CNTN3: variants seen among roughly 807,000 people sequenced by gnomAD.
CNTN3 encodes the protein contactin-3.
CNTN3 carries 60 observed loss-of-function variants against 119.1 expected under a neutral mutation model. The observed-to-expected ratio is 0.50, with a 90% CI of 0.41 to 0.62. The LOEUF (loss-of-function observed/expected upper bound fraction) is 0.62, where lower values mean the gene tolerates loss of function less well. Ranked by LOEUF, CNTN3 falls within the 20% of genes least tolerant of loss-of-function variation. The pLI, the probability that CNTN3 is intolerant of heterozygous loss-of-function variation, is 0.00. For synonymous variants in CNTN3, 450 were observed against 438.7 expected (o/e 1.03, Z -0.32); for missense variants, 1,101 against 1,242.4 (o/e 0.89, Z 1.71).
chr3:74,395,996 T>C (rs376067932), intron 5 of CNTN3, among the ~76,000 whole-genome samples: 2 of 152,212 alleles, frequency 1.3e-5, no homozygotes, highest in East Asian at 3.9e-4. Context: ...TCATGTAAGA[T>C]GGCAAACTTG....
Position 74,364,579 on chromosome 3 carries a change from TTCTA to T in CNTN3, c.1097_1100del (p.Ile366LysfsTer10), listed in dbSNP as rs1704146930. ...GGTTTGATATTGTAAGGGCACCATT[TTCTA>T]TCTGTGTTCTCTCCTAGATGATAAT... On this transcript the variant is annotated frameshift_variant, in exon 10 of 23. Transcript: ENST00000263665. LOFTEE classifies it high-confidence loss of function. The T allele has an allele frequency of 6.2e-7, 1 of 1,607,798 alleles. No individual in the cohort carries two copies. Among genetic ancestry groups the T allele is most frequent in the Non-Finnish European group, 8.5e-7 (1 of 1,174,830 alleles).
chr3:74,505,962 T>C (rs149674108), intron 2 of CNTN3, among the ~76,000 whole-genome samples: 9 of 152,208 alleles, frequency 5.9e-5, no homozygotes, highest in East Asian at 5.8e-4. Context: ...AATTAGGGAA[T>C]TGGAACTGAG....
intron 22 of CNTN3, among the ~76,000 whole-genome samples, chr3:74,265,942 T>C (rs1019145133): frequency 6.6e-6 from 1 of 152,144 alleles, no homozygotes; most frequent in African/African-American, 2.4e-5. Flanking sequence ...TCTAAACATA[T>C]AATTTCTATA....
intron 5 of CNTN3, among the ~76,000 whole-genome samples, chr3:74,395,205 G>GA (rs1322824196): frequency 6.6e-6 from 1 of 152,034 alleles, no homozygotes; most frequent in African/African-American, 2.4e-5. Flanking sequence ...CAGAGTACAG[G>GA]ATGATACAAG....
chr3:74,598,510 A>G (rs1334911614), intron 1 of CNTN3, among the ~76,000 whole-genome samples: 1 of 152,092 alleles, frequency 6.6e-6, no homozygotes, highest in Non-Finnish European at 1.5e-5. Context: ...GCCCAGGCTG[A>G]GTGCAGTGGC....
At chr3:74,562,041 A>T (rs1237044043) in intron 1 of CNTN3, among the ~76,000 whole-genome samples, 1 of 152,184 alleles carries the variant, frequency 6.6e-6, no homozygotes, top group Non-Finnish European at 1.5e-5. Flanking sequence ...CTGTTCTCCC[A>T]AGCCTGACTC....
intron 20 of CNTN3, among the ~76,000 whole-genome samples, chr3:74,276,613 C>G (rs1363473423): frequency 6.6e-6 from 1 of 150,926 alleles, no homozygotes; most frequent in Non-Finnish European, 1.5e-5. Context: ...CTATCAAAAC[C>G]TCTGGGATAC....
chr3:74,263,313 T>C lies in CNTN3; in HGVS notation c.*1088A>G, dbSNP rs941257943. 3.9e-5 allele frequency: 6 copies of C among 152,076 alleles called. No homozygotes were observed. Among genetic ancestry groups the C allele is most frequent in the Admixed American group, 6.6e-5 (1 of 15,252 alleles). The allele number at this position is 152,076 out of a possible 1,614,324, so 9.4% of individuals were successfully genotyped here. A position where few individuals can be genotyped will look rare whatever the true frequency, so the allele number is the denominator to read the frequency against. On this transcript the variant is annotated 3_prime_UTR_variant, in exon 23 of 23. Transcript: ENST00000263665. Reference sequence around the variant, plus strand: ...AAAAAGCCTGCCAGACTCACTCAGATAGATGGTGGGATTTCATTAAAAAAC... The same window carrying C: ...AAAAAGCCTGCCAGACTCACTCAGACAGATGGTGGGATTTCATTAAAAAAC...
chr3:74,570,363 T>C (rs1386017900), intron 1 of CNTN3, among the ~76,000 whole-genome samples: 1 of 152,096 alleles, frequency 6.6e-6, no homozygotes, highest in Non-Finnish European at 1.5e-5. Flanking sequence ...TTTATAGTAT[T>C]AACCTCTTAC....
intron 4 of CNTN3, among the ~76,000 whole-genome samples, chr3:74,442,323 T>C (rs955342053): frequency 2.0e-5 from 3 of 152,120 alleles, no homozygotes; most frequent in African/African-American, 4.8e-5. Flanking sequence ...TCACTAAACA[T>C]GTCAGCTCTG....
At chr3:74,532,937 T>C (rs536624435) in intron 1 of CNTN3, among the ~76,000 whole-genome samples, 8 of 152,118 alleles carry the variant, frequency 5.3e-5, no homozygotes, top group African/African-American at 1.9e-4. Context: ...GATTCCACCT[T>C]AGCCAAAATC....
At chr3:74,559,879 G>A (rs1314891251) in intron 1 of CNTN3, among the ~76,000 whole-genome samples, 1 of 152,128 alleles carries the variant, frequency 6.6e-6, no homozygotes, top group African/African-American at 2.4e-5. Context: ...TCTCTAATGT[G>A]TGATGAAATC....
intron 13 of CNTN3, among the ~76,000 whole-genome samples, chr3:74,318,659 T>G (rs1226971207): frequency 1.3e-5 from 2 of 152,162 alleles, no homozygotes; most frequent in Non-Finnish European, 2.9e-5. Context: ...CAGCGGTGGC[T>G]GTAGAACAGT....
At chr3:74,266,429 C>G (rs615824) in intron 22 of CNTN3, 52 bp downstream of exon 22, 1,167,957 of 1,513,952 alleles carry the variant, frequency 0.77, 453,437 homozygotes, top group East Asian at 0.98. Context: ...CTCACTATGG[C>G]GGATAGTAAC....
intron 20 of CNTN3, among the ~76,000 whole-genome samples, chr3:74,270,499 G>A (rs879635949): frequency 1.6e-4 from 24 of 152,208 alleles, no homozygotes; most frequent in Non-Finnish European, 3.1e-4. Flanking sequence ...AAAAAGTATA[G>A]TTTTAGGCCA....
chr3:74,545,498 C>G (rs1267906552), intron 1 of CNTN3, among the ~76,000 whole-genome samples: 3 of 152,124 alleles, frequency 2.0e-5, no homozygotes, highest in Non-Finnish European at 1.5e-5. Context: ...TTGTAAAACC[C>G]CATCTGTCTA....
At chr3:74,470,989 G>GC (rs1349850859) in intron 4 of CNTN3, among the ~76,000 whole-genome samples, 1 of 151,952 alleles carries the variant, frequency 6.6e-6, no homozygotes, top group Non-Finnish European at 1.5e-5. Context: ...CGATTCTCCT[G>GC]CCTCAGCCTC....
intron 2 of CNTN3, among the ~76,000 whole-genome samples, chr3:74,517,271 C>A (rs1329572480): frequency 1.3e-5 from 2 of 151,954 alleles, no homozygotes; most frequent in East Asian, 3.9e-4. Flanking sequence ...CTTATCACTA[C>A]CTTTAAAAAC....
intron 1 of CNTN3, among the ~76,000 whole-genome samples, chr3:74,585,913 T>C (rs2106676229): frequency 6.6e-6 from 1 of 152,322 alleles, no homozygotes. Context: ...TGCATTCTTT[T>C]ATTTCAACTT....
Sources: gnomAD v4.1 joint callset for allele counts (sites outside exome capture counted in the v4.1 genomes callset) on GRCh38, gnomAD v4.1.1 for gene constraint, MANE v1.5 for transcripts, NCBI Gene and HGNC (gene_info 2026-07-23, HGNC 2026-07-21) for gene names.